BANK1: variants seen among roughly 807,000 people sequenced by gnomAD.
BANK1 encodes B cell scaffold protein with ankyrin repeats 1, also known as B-cell scaffold protein with ankyrin repeats.
BANK1 carries 95 observed loss-of-function variants against 94.5 expected under a neutral mutation model. That is an observed-to-expected ratio of 1.00 (90% CI 0.85 to 1.19). The LOEUF (loss-of-function observed/expected upper bound fraction) is 1.19. BANK1 is among the 50% of genes most tolerant of loss of function. BANK1 has a pLI of 0.00. For synonymous variants in BANK1, 334 were observed against 308.4 expected (o/e 1.08, Z -0.87); for missense variants, 987 against 932.2 (o/e 1.06, Z -0.77).
chr4:101,887,979 T>A (rs944561963), intron 5 of BANK1, among the ~76,000 whole-genome samples: 1 of 152,224 alleles, frequency 6.6e-6, no homozygotes, highest in Admixed American at 6.5e-5. Context: ...TATCATTTTC[T>A]TTACAAGCTG....
chr4:101,885,599 C>T (rs551125363), intron 5 of BANK1, among the ~76,000 whole-genome samples: 23 of 152,342 alleles, frequency 1.5e-4, no homozygotes, highest in Non-Finnish European at 2.8e-4. Flanking sequence ...ATACAACTCC[C>T]TGTATATCTC....
chr4:102,073,580 C>T, intron 15 of BANK1, 104 bp from the exon 16 acceptor site: 1 of 981,740 alleles, frequency 1.0e-6, no homozygotes. Flanking sequence ...AGCTGTTTTT[C>T]CATGGCTGTG....
chr4:101,987,935 C>T (rs772294797), intron 7 of BANK1, among the ~76,000 whole-genome samples: 7 of 152,182 alleles, frequency 4.6e-5, no homozygotes, highest in Admixed American at 2.0e-4. Flanking sequence ...GCAAGATTCT[C>T]CACATCCCCT....
intron 7 of BANK1, among the ~76,000 whole-genome samples, chr4:101,964,079 T>G (rs1229157259): frequency 6.6e-6 from 1 of 152,146 alleles, no homozygotes; most frequent in Non-Finnish European, 1.5e-5. Flanking sequence ...TTATATCTTC[T>G]GCAGCATGTA....
In BANK1 at chr4:102,074,618, C is replaced by T. The variant is rs1728863581; in HGVS notation, c.*619C>T. On this transcript the variant is annotated 3_prime_UTR_variant, in exon 17 of 17. Transcript: ENST00000322953. Reference sequence around the variant, plus strand: ...TTCATAACCTACCTTTGTATTAAGACTTGCAATTTTATCAATCTATTATTT... The same window carrying T: ...TTCATAACCTACCTTTGTATTAAGATTTGCAATTTTATCAATCTATTATTT... 1 of 151,946 alleles carries T rather than the reference C, an allele frequency of 6.6e-6. No individual in the cohort carries two copies. The highest frequency in any genetic ancestry group is 1.5e-5 in the Non-Finnish European group (1 of 67,880). 9.4% of individuals were successfully genotyped at this position (151,946 alleles called of 1,614,324 possible). A position where few individuals can be genotyped will look rare whatever the true frequency, so the allele number is the denominator to read the frequency against.
chr4:102,073,784 TA>T, intron 16 of BANK1, 36 bp downstream of exon 16: 1 of 1,532,708 alleles, frequency 6.5e-7, no homozygotes. Context: ...TTAGAAAATC[TA>T]AAGCAGCCTT....
chr4:102,071,465 G>A (rs191682657), intron 14 of BANK1, among the ~76,000 whole-genome samples, 161 bp downstream of exon 14: 20 of 152,186 alleles, frequency 1.3e-4, no homozygotes, highest in Non-Finnish European at 1.8e-4. Context: ...CAAAATAAAC[G>A]TGAAGCGACT....
intron 16 of BANK1, 110 bp from the exon 17 acceptor site, chr4:102,073,895 G>GTGAT (rs1181490344): frequency 5.1e-6 from 3 of 592,820 alleles, no homozygotes; most frequent in African/African-American, 1.9e-5. Flanking sequence ...CAAGCTAAAG[G>GTGAT]TGATTGCTCT....
intron 10 of BANK1, among the ~76,000 whole-genome samples, chr4:102,035,798 T>A (rs1727491763): frequency 6.6e-6 from 1 of 152,214 alleles, no homozygotes; most frequent in African/African-American, 2.4e-5. Context: ...TTTTTTGAAG[T>A]CTACCTGTTT....
At chr4:102,063,164 A>AAAAT (rs1728481406) in intron 13 of BANK1, 26 bp downstream of exon 13, 1 of 1,583,936 alleles carries the variant, frequency 6.3e-7, no homozygotes, top group Admixed American at 1.7e-5. Context: ...CTGCTATTCA[A>AAAAT]AAATAATAGA....
chr4:101,792,811 G>A (rs1030511938), intron 1 of BANK1, among the ~76,000 whole-genome samples: 4 of 152,032 alleles, frequency 2.6e-5, no homozygotes, highest in African/African-American at 9.7e-5. Flanking sequence ...GTTGAGTATC[G>A]ACTTGTTCTT....
intron 7 of BANK1, among the ~76,000 whole-genome samples, chr4:101,957,554 G>T (rs1240664378): frequency 6.6e-6 from 1 of 152,154 alleles, no homozygotes; most frequent in Non-Finnish European, 1.5e-5. Flanking sequence ...ATACTGGTTG[G>T]ACTCATCCTG....
At chr4:101,906,767 A>T (rs1169817964) in intron 6 of BANK1, among the ~76,000 whole-genome samples, 1 of 152,160 alleles carries the variant, frequency 6.6e-6, no homozygotes, top group African/African-American at 2.4e-5. Context: ...CTTTAAGAGT[A>T]CTAGGGTGTC....
Position 101,965,111 on chromosome 4 carries a change from T to C in BANK1, c.1206+46922T>C, listed in dbSNP as rs554424069. ...GACATGAACTCATCATTTTTTATGG[T>C]TGCATAGTATTCCATGGTGTATATG... is the stretch of plus-strand genomic sequence containing the variant. On this transcript the variant is annotated intron_variant, in intron 7 of 16. Transcript: ENST00000322953. Among the ~76,000 whole-genome samples, 19 of 151,668 alleles carry C rather than the reference T, an allele frequency of 1.3e-4. No homozygotes were observed. The South Asian group carries it at 3.8e-3, about 30-fold the overall frequency.
Position 102,059,055 on chromosome 4 carries a change from C to T in BANK1, c.1970-1156C>T, listed in dbSNP as rs532129363. Among the ~76,000 whole-genome samples, 3 of 152,308 alleles carry T rather than the reference C, an allele frequency of 2.0e-5. No individual in the cohort carries two copies. The South Asian group carries it at 6.2e-4, about 32-fold the overall frequency. ...GACATATAACATTTGCTATCAAATA[C>T]TTGAAACCTCTTTTCCAGAACAATC... On this transcript the variant is annotated intron_variant, in intron 11 of 16. Coordinates refer to ENST00000322953, the MANE Select transcript of BANK1 (RefSeq NM_017935.5).
intron 5 of BANK1, among the ~76,000 whole-genome samples, chr4:101,888,165 G>T (rs565707197): frequency 6.6e-6 from 1 of 152,308 alleles, no homozygotes; most frequent in East Asian, 1.9e-4. Context: ...GAGCAAGGCT[G>T]TTTTCAGCTC....
chr4:101,866,586 G>A (rs1238288778), intron 4 of BANK1, among the ~76,000 whole-genome samples: 1 of 152,080 alleles, frequency 6.6e-6, no homozygotes, highest in Non-Finnish European at 1.5e-5. Flanking sequence ...AATCTTGTCA[G>A]AAGCCAGAGA....
intron 7 of BANK1, among the ~76,000 whole-genome samples, chr4:102,007,145 T>TA (rs1560682309): frequency 0.19 from 3,140 of 16,720 alleles, 177 homozygotes; most frequent in Non-Finnish European, 0.24. Flanking sequence ...AAAAATATAT[T>TA]TTATATATAT....
chr4:101,945,863 C>G (rs1016938953), intron 7 of BANK1, among the ~76,000 whole-genome samples: 3 of 151,732 alleles, frequency 2.0e-5, no homozygotes. Flanking sequence ...TACTACATAC[C>G]CCCCAATCAG....
Sources: allele counts gnomAD v4.1 joint callset (sites outside exome capture counted in the v4.1 genomes callset), GRCh38; gene constraint gnomAD v4.1.1; transcripts MANE v1.5; gene names NCBI Gene and HGNC (gene_info 2026-07-23, HGNC 2026-07-21).